PTPRT: variants seen among roughly 807,000 people sequenced by gnomAD.
The protein encoded by PTPRT is receptor-type tyrosine-protein phosphatase T.
A neutral mutation model predicts 176.8 loss-of-function variants in PTPRT; 56 were observed. The observed-to-expected ratio is 0.32, with a 90% confidence interval of 0.26 to 0.40. The LOEUF (loss-of-function observed/expected upper bound fraction) is 0.40. PTPRT is among the 10% of genes least tolerant of loss of function. PTPRT has a pLI of 1.00. For missense variants in PTPRT, 1,540 were observed against 1,908.2 expected (o/e 0.81, Z 3.60); for synonymous variants, 783 against 739.0 (o/e 1.06, Z -0.96).
intron 13 of PTPRT, among the ~76,000 whole-genome samples, chr20:42,262,880 G>T (rs753808521): frequency 6.6e-6 from 1 of 152,158 alleles, no homozygotes; most frequent in Non-Finnish European, 1.5e-5. Context: ...TGTGCCAAGT[G>T]GCCCACCCAG....
chr20:43,082,762 A>G (rs1296746370), intron 1 of PTPRT, among the ~76,000 whole-genome samples: 2 of 152,204 alleles, frequency 1.3e-5, no homozygotes, highest in South Asian at 2.1e-4. Flanking sequence ...GACCCCCCCA[A>G]GTCTTGAAAT....
intron 1 of PTPRT, among the ~76,000 whole-genome samples, chr20:43,086,226 G>A (rs1000996843): frequency 1.3e-5 from 2 of 152,086 alleles, no homozygotes; most frequent in African/African-American, 4.8e-5. Context: ...CTGTGAATAG[G>A]TGCCTCAGGC....
chr20:42,631,662 G>T (rs2145890707), intron 7 of PTPRT, among the ~76,000 whole-genome samples: 1 of 152,278 alleles, frequency 6.6e-6, no homozygotes, highest in African/African-American at 2.4e-5. Context: ...TTAAACTCTT[G>T]ATTCTCTGAG....
chr20:42,616,491 T>A (rs1390132450), intron 7 of PTPRT, among the ~76,000 whole-genome samples: 1 of 128,824 alleles, frequency 7.8e-6, no homozygotes, highest in African/African-American at 3.6e-5. Context: ...ATTGGTAGCT[T>A]GATGGGGATG....
intron 1 of PTPRT, among the ~76,000 whole-genome samples, chr20:42,950,582 C>T (rs1981176470): frequency 6.6e-6 from 1 of 152,176 alleles, no homozygotes; most frequent in South Asian, 2.1e-4. Context: ...AACTGGGATC[C>T]CTGGTGTTCT....
At chr20:42,380,239 C>T (rs958774179) in intron 9 of PTPRT, among the ~76,000 whole-genome samples, 5 of 152,186 alleles carry the variant, frequency 3.3e-5, no homozygotes, top group South Asian at 4.1e-4. Context: ...CCTGTGGAGA[C>T]TGGATCCCTG....
At chr20:42,839,662 G>A (rs1206763736) in intron 2 of PTPRT, among the ~76,000 whole-genome samples, 2 of 152,174 alleles carry the variant, frequency 1.3e-5, no homozygotes, top group Non-Finnish European at 2.9e-5. Context: ...AGAAAAACAT[G>A]GGTGGAGAAA....
intron 2 of PTPRT, among the ~76,000 whole-genome samples, chr20:42,860,681 A>G (rs948031491): frequency 1.3e-5 from 2 of 152,132 alleles, no homozygotes; most frequent in Non-Finnish European, 2.9e-5. Context: ...GGTGATTGGT[A>G]TTTAGAAAAT....
chr20:42,294,462 C>G (rs997093736), intron 12 of PTPRT, among the ~76,000 whole-genome samples: 1 of 152,030 alleles, frequency 6.6e-6, no homozygotes, highest in South Asian at 2.1e-4. Context: ...AACAAAAAGT[C>G]AGAACCTACA....
chr20:42,447,469 T>C (rs2070753904), intron 9 of PTPRT, among the ~76,000 whole-genome samples: 2 of 152,034 alleles, frequency 1.3e-5, no homozygotes, highest in South Asian at 4.2e-4. Context: ...AGTATTGTAA[T>C]CTTATGTTGT....
chr20:42,584,519 T>C (rs2073437620), intron 7 of PTPRT, among the ~76,000 whole-genome samples: 1 of 152,184 alleles, frequency 6.6e-6, no homozygotes, highest in Non-Finnish European at 1.5e-5. Context: ...AGGTCTTCTC[T>C]GATATCTTAC....
chr20:42,728,075 C>A (rs775843016), intron 6 of PTPRT, among the ~76,000 whole-genome samples: 2 of 152,148 alleles, frequency 1.3e-5, no homozygotes, highest in African/African-American at 4.8e-5. Context: ...CTTGCAGCAC[C>A]CTTGAAAAGA....
intron 6 of PTPRT, among the ~76,000 whole-genome samples, chr20:42,742,167 C>G (rs1243917591): frequency 1.3e-5 from 2 of 152,220 alleles, no homozygotes; most frequent in African/African-American, 4.8e-5. Context: ...ACTCCGCCTA[C>G]TATGAGACCA....
At chr20:43,154,458 C>T (rs975943872) in intron 1 of PTPRT, among the ~76,000 whole-genome samples, 1 of 152,158 alleles carries the variant, frequency 6.6e-6, no homozygotes, top group Admixed American at 6.6e-5. Context: ...AGTGTGATGC[C>T]TCCAGCTTTG....
At chr20:43,030,070 A>G (rs1451112417) in intron 1 of PTPRT, among the ~76,000 whole-genome samples, 2 of 152,246 alleles carry the variant, frequency 1.3e-5, no homozygotes, top group East Asian at 3.8e-4. Flanking sequence ...AATCTAGCCT[A>G]TCCTAACTAA....
intron 16 of PTPRT, among the ~76,000 whole-genome samples, chr20:42,179,573 A>G (rs1990430985): frequency 6.6e-6 from 1 of 152,216 alleles, no homozygotes; most frequent in South Asian, 2.1e-4. Flanking sequence ...TAAAAAATAT[A>G]ATGTGATGAA....
chr20:43,108,185 C>A (rs1259849516), intron 1 of PTPRT, among the ~76,000 whole-genome samples: 1 of 152,192 alleles, frequency 6.6e-6, no homozygotes, highest in East Asian at 1.9e-4. Flanking sequence ...TCCAGGCATA[C>A]CTCTTAACTG....
chr20:42,250,320 C>T (rs1315566535), intron 13 of PTPRT, among the ~76,000 whole-genome samples: 2 of 152,170 alleles, frequency 1.3e-5, no homozygotes, highest in African/African-American at 4.8e-5. Flanking sequence ...AGGATGACGT[C>T]TCTGCCCACA....
chr20:42,774,772 C>T (rs2077110373), intron 4 of PTPRT, among the ~76,000 whole-genome samples: 1 of 152,220 alleles, frequency 6.6e-6, no homozygotes, highest in South Asian at 2.1e-4. Context: ...CTGATCTAGG[C>T]TACCCTCTTC....
Sources: allele counts gnomAD v4.1 joint callset (sites outside exome capture counted in the v4.1 genomes callset), GRCh38; gene constraint gnomAD v4.1.1; transcripts MANE v1.5; gene names NCBI Gene and HGNC (gene_info 2026-07-23, HGNC 2026-07-21).